Variants in ANO1 observed in about 807,000 individuals in gnomAD.
The protein encoded by ANO1 is anoctamin 1, also known as anoctamin-1.
Under a neutral mutation model 124.0 loss-of-function variants are expected in ANO1, and 59 were observed. The ratio of observed to expected loss-of-function variants is 0.48; its 90% confidence interval spans 0.39 to 0.59. The LOEUF is 0.59. Among genes scored for constraint, ANO1 ranks in the 20% least tolerant of loss-of-function variants. The pLI is 0.00. For synonymous variants in ANO1, 529 were observed against 532.0 expected (o/e 0.99, Z 0.08); for missense variants, 1,059 against 1,328.0 (o/e 0.80, Z 3.15).
At chr11:70,169,779 A>G (rs772642967) in intron 21 of ANO1, among the ~76,000 whole-genome samples, 4 of 151,756 alleles carry the variant, frequency 2.6e-5, no homozygotes, top group Non-Finnish European at 5.9e-5. Context: ...CAGTGCTCAC[A>G]CTCAGGGCAC....
chr11:70,165,928 G>C (rs1198772492), intron 20 of ANO1, among the ~76,000 whole-genome samples: 2 of 152,218 alleles, frequency 1.3e-5, no homozygotes, highest in Middle Eastern at 6.3e-3. Context: ...GCTGAGGCGG[G>C]AGGATCGCTG....
At chr11:70,035,768 T>C (rs1365983919) in intron 1 of ANO1, among the ~76,000 whole-genome samples, 3 of 152,070 alleles carry the variant, frequency 2.0e-5, no homozygotes, top group Non-Finnish European at 4.4e-5. Context: ...AGTAAGAACA[T>C]GCGGTGTTTG....
In ANO1 at chr11:70,003,603, ATG is replaced by A. The variant is rs1591027534; in HGVS notation, c.58+17438_58+17439del. On this transcript the variant is annotated intron_variant, in intron 1 of 27. Coordinates refer to the ANO1 transcript ENST00000531349. ...TGTTGGTGGATGGATGGGTGGATGG[ATG>A]GATGGATGGATGGATGGATGGATGG... 1.1e-3 allele frequency among the ~76,000 whole-genome samples: 84 copies of A among 74,528 alleles called. 1 individual carries two copies. The highest frequency in any genetic ancestry group is 9.5e-3 in the East Asian group (29 of 3,058). The allele number at this position is 74,528 out of a possible 152,430, so 48.9% of individuals were successfully genotyped here. A position where few individuals can be genotyped will look rare whatever the true frequency, so the allele number is the denominator to read the frequency against.
upstream of ANO1, among the ~76,000 whole-genome samples, chr11:69,983,838 A>T (rs1000249481): frequency 1.3e-4 from 20 of 152,246 alleles, no homozygotes; most frequent in Non-Finnish European, 2.9e-5. Flanking sequence ...AAATGAAAAG[A>T]AGAAAAAGCG....
chr11:70,118,012 C>T (rs965820942), intron 8 of ANO1, among the ~76,000 whole-genome samples: 1 of 152,226 alleles, frequency 6.6e-6, no homozygotes, highest in African/African-American at 2.4e-5. Context: ...GGACCATCCC[C>T]TCCACAGGCC....
At chr11:70,169,342 T>A (rs962870648) in intron 21 of ANO1, among the ~76,000 whole-genome samples, 7 of 151,874 alleles carry the variant, frequency 4.6e-5, no homozygotes, top group African/African-American at 1.7e-4. Context: ...ACCCACTGAC[T>A]TTCTCCCCAC....
rs1590737390 is a variant in ANO1, at chr11:70,103,079, G to C, written c.455G>C (p.Gly152Ala). The change falls in exon 3 of 26, where the codon GGA becomes GCA. Residue 152 changes from glycine to alanine, a missense_variant. Physicochemically the swap from Gly to Ala is moderately conservative, Grantham distance 60. This residue lies in a region of ANO1 where 250 missense variants were observed against 233.1 expected (regional missense o/e 1.07). Coordinates refer to ENST00000355303, the MANE Select transcript of ANO1 (RefSeq NM_018043.7). ...LERDEDTKIH[G>A]VGFVKIHAPW... ...TTCTCTCTCCAGACTAAAATCCACG[G>C]AGTCGGGTTTGTGAAAATCCATGCC... The C allele has an allele frequency of 6.2e-7, 1 of 1,611,688 alleles. No homozygotes were observed. Among genetic ancestry groups the C allele is most frequent in the Non-Finnish European group, 8.5e-7 (1 of 1,178,944 alleles).
intron 4 of ANO1, among the ~76,000 whole-genome samples, chr11:70,104,447 C>T (rs2045409261): frequency 6.6e-6 from 1 of 152,196 alleles, no homozygotes; most frequent in Admixed American, 6.5e-5. Context: ...GCTCCGCACC[C>T]CTGCCCCGCC....
In ANO1 at chr11:70,185,655, C is replaced by T; in HGVS notation, c.2654C>T (p.Ala885Val). 1 of 1,613,944 alleles carries T rather than the reference C, an allele frequency of 6.2e-7. No homozygotes were observed. The highest frequency in any genetic ancestry group is 1.1e-5 in the South Asian group (1 of 91,078). ...TACGACATCTCCAAGGACTTCTGGGCCGTCCTGGCAGCCCGGCTGGCGTTT... is the reference window on the plus strand; with the variant it reads ...TACGACATCTCCAAGGACTTCTGGGTCGTCCTGGCAGCCCGGCTGGCGTTT... The part of the protein sequence containing the change: ...NKYDISKDFW[A>V]VLAARLAFVI... The change falls in exon 25 of 26, where the codon GCC (alanine) becomes GTC (valine). Residue 885 changes from alanine to valine, a missense_variant. By Grantham distance (64) the Ala-to-Val change is moderately conservative. Coordinates refer to ENST00000355303, the MANE Select transcript of ANO1 (RefSeq NM_018043.7).
At chr11:70,074,002 G>C (rs896920822), upstream of ANO1, among the ~76,000 whole-genome samples, 2 of 152,076 alleles carry the variant, frequency 1.3e-5, no homozygotes, top group Non-Finnish European at 2.9e-5. Flanking sequence ...CAGTGGTCCC[G>C]TCTCCCGCCC....
intron 1 of ANO1, among the ~76,000 whole-genome samples, chr11:70,033,155 C>T (rs1240043164): frequency 3.9e-5 from 6 of 152,206 alleles, no homozygotes; most frequent in African/African-American, 1.2e-4. Flanking sequence ...GGGTTTGGGG[C>T]CTTCACGGGG....
chr11:70,000,223 T>C (rs1399887480), intron 1 of ANO1, among the ~76,000 whole-genome samples: 1 of 152,110 alleles, frequency 6.6e-6, no homozygotes, highest in African/African-American at 2.4e-5. Flanking sequence ...ATTAGCTAGA[T>C]GTTTCATTTG....
chr11:70,061,269 G>A (rs1381712946), intron 1 of ANO1, among the ~76,000 whole-genome samples: 1 of 152,114 alleles, frequency 6.6e-6, no homozygotes, highest in Non-Finnish European at 1.5e-5. Context: ...GGGCTGCAAA[G>A]AGGAAGATCA....
chr11:70,154,976 G>A (rs1163894124), intron 14 of ANO1, among the ~76,000 whole-genome samples: 2 of 152,212 alleles, frequency 1.3e-5, no homozygotes, highest in African/African-American at 4.8e-5. Flanking sequence ...AAAAGGCCTG[G>A]ATGCCATCAT....
intron 1 of ANO1, among the ~76,000 whole-genome samples, chr11:70,009,527 A>G (rs1555000675): frequency 1.3e-5 from 2 of 152,172 alleles, no homozygotes; most frequent in Non-Finnish European, 2.9e-5. Flanking sequence ...AGGAAAGAGG[A>G]TTTTGAGAAG....
intron 2 of ANO1, among the ~76,000 whole-genome samples, chr11:70,095,271 G>GGAAAGAAA (rs1565193044): frequency 6.7e-5 from 5 of 74,822 alleles, no homozygotes; most frequent in African/African-American, 2.8e-4. Flanking sequence ...AAGGAAGGAA[G>GGAAAGAAA]GAAGGAAGGA....
At chr11:70,053,612 G>A (rs1165538957) in intron 1 of ANO1, among the ~76,000 whole-genome samples, 1 of 152,058 alleles carries the variant, frequency 6.6e-6, no homozygotes, top group Non-Finnish European at 1.5e-5. Flanking sequence ...AATGGAATTG[G>A]TTTGCTGGTA....
At chr11:70,070,000 G>A (rs377190335) in intron 1 of ANO1, among the ~76,000 whole-genome samples, 30 of 152,302 alleles carry the variant, frequency 2.0e-4, no homozygotes, top group African/African-American at 5.3e-4. Context: ...CTACATAAGC[G>A]AAGGGATTGA....
intron 11 of ANO1, among the ~76,000 whole-genome samples, chr11:70,137,802 G>A (rs11235400): frequency 0.1 from 15,028 of 147,124 alleles, 2,475 homozygotes; most frequent in Non-Finnish European, 0.15. Context: ...TCTGTAGAAC[G>A]GAGACACAGT....
Sources: gnomAD v4.1 joint callset for allele counts (sites outside exome capture counted in the v4.1 genomes callset) on GRCh38, gnomAD v4.1.1 for gene constraint, gnomAD v4.1.1 regional missense constraint, MANE v1.5 for transcripts, NCBI Gene and HGNC (gene_info 2026-07-23, HGNC 2026-07-21) for gene names.